TYW1B: variants seen among roughly 807,000 people sequenced by gnomAD.
The protein encoded by TYW1B is S-adenosyl-L-methionine-dependent tRNA 4-demethylwyosine synthase TYW1B.
A neutral mutation model predicts 86.9 loss-of-function variants in TYW1B; 73 were observed. The ratio of observed to expected loss-of-function variants is 0.84; its 90% CI spans 0.70 to 1.02. The LOEUF (loss-of-function observed/expected upper bound fraction) is 1.02. Ranked by LOEUF, TYW1B falls within the 50% of genes least tolerant of loss-of-function variation. TYW1B has a pLI of 0.00. For synonymous variants in TYW1B, 248 were observed against 292.8 expected, an observed-to-expected ratio of 0.85 and a Z score of 1.56; for missense variants, 637 against 827.4, an observed-to-expected ratio of 0.77 and a Z score of 2.82.
intron 3 of TYW1B, among the ~76,000 whole-genome samples, chr7:72,814,902 CAAA>C (rs35390409): frequency 5.6e-5 from 7 of 125,788 alleles, no homozygotes; most frequent in African/African-American, 8.7e-5. Context: ...TCAACTCTAG[CAAA>C]AAAAAAAAAA....
chr7:72,734,734 T>C lies in TYW1B; in HGVS notation c.1083-5803A>G, dbSNP rs183905281. Among the ~76,000 whole-genome samples, 165 of 152,236 alleles carry C rather than the reference T, an allele frequency of 1.1e-3. 1 individual carries two copies. The highest frequency in any genetic ancestry group is 2.9e-3 in the African/African-American group (120 of 41,524). The stretch of plus-strand genomic sequence containing the variant: ...AAACAAGGGATTAATATCCAGAATA[T>C]ACAAAAAATTCAAACAACCCAACAG... On this transcript the variant is annotated intron_variant, in intron 8 of 13. Transcript: ENST00000620995.
chr7:72,823,988 T>C (rs1554481013), intron 2 of TYW1B, among the ~76,000 whole-genome samples: 1 of 152,106 alleles, frequency 6.6e-6, no homozygotes, highest in East Asian at 1.9e-4. Flanking sequence ...AAAACATGCA[T>C]AAAGAGGCTC....
intron 9 of TYW1B, among the ~76,000 whole-genome samples, chr7:72,714,300 G>T (rs1443781275): frequency 2.0e-5 from 3 of 151,928 alleles, no homozygotes; most frequent in Admixed American, 2.0e-4. Context: ...CTTCATACTG[G>T]AATCACCTGA....
At position 72,575,637 on chromosome 7, in the gene TYW1B, CCACCA is replaced by C. The variant is rs782317378; in HGVS notation, c.1863_1867del (p.Ser621ArgfsTer24). 1 of 1,613,714 alleles carries C rather than the reference CCACCA, an allele frequency of 6.2e-7. No homozygotes were observed. The highest frequency in any genetic ancestry group is 2.2e-5 in the East Asian group (1 of 44,862). ...ATCCTTTGCGCTGAACGTTTTTGAT[CCACCA>C]CTATCTTCATATTCCTGGATGAGCT... On this transcript the variant is annotated frameshift_variant, in exon 14 of 14. Transcript: ENST00000620995. LOFTEE classifies it high-confidence loss of function.
chr7:72,663,947 T>C (rs1337305438), intron 11 of TYW1B, among the ~76,000 whole-genome samples: 2 of 151,868 alleles, frequency 1.3e-5, no homozygotes, highest in African/African-American at 2.4e-5. Flanking sequence ...GTGAAACCAT[T>C]ATTCTAGATA....
chr7:72,813,464 C>T (rs1299454166), intron 3 of TYW1B, among the ~76,000 whole-genome samples: 6 of 152,208 alleles, frequency 3.9e-5, no homozygotes, highest in African/African-American at 1.4e-4. Context: ...GCGTGGGCCA[C>T]CACGCCCAGC....
intron 9 of TYW1B, among the ~76,000 whole-genome samples, chr7:72,717,016 T>C (rs1457779786): frequency 6.6e-6 from 1 of 151,686 alleles, no homozygotes; most frequent in Admixed American, 6.6e-5. Flanking sequence ...AAGCATGCAG[T>C]TTGGCTGGGC....
chr7:72,606,912 CTAACA>C (rs768285605), intron 13 of TYW1B, among the ~76,000 whole-genome samples: 19 of 152,170 alleles, frequency 1.2e-4, no homozygotes, highest in Non-Finnish European at 1.6e-4. Context: ...CCAGAGTCTC[CTAACA>C]TAACACCTAA....
At chr7:72,620,525 G>A (rs1228374823) in intron 12 of TYW1B, among the ~76,000 whole-genome samples, 4 of 152,156 alleles carry the variant, frequency 2.6e-5, no homozygotes, top group African/African-American at 7.2e-5. Context: ...GGCAGAAAAT[G>A]TTCTTGGTGA....
At chr7:72,595,149 TAAG>T (rs1183062213) in intron 13 of TYW1B, among the ~76,000 whole-genome samples, 3 of 152,178 alleles carry the variant, frequency 2.0e-5, no homozygotes, top group Non-Finnish European at 4.4e-5. Flanking sequence ...AGCAATTAGG[TAAG>T]AAGAAGAAAT....
intron 7 of TYW1B, among the ~76,000 whole-genome samples, chr7:72,750,067 T>C (rs782779349): frequency 5.9e-5 from 9 of 151,606 alleles, no homozygotes; most frequent in Non-Finnish European, 1.2e-4. Context: ...GGGGTGGGTA[T>C]GTGTATAATT....
chr7:72,589,857 C>A (rs35511713), intron 13 of TYW1B, among the ~76,000 whole-genome samples: 23,429 of 152,034 alleles, frequency 0.15, 2,469 homozygotes, highest in East Asian at 0.56. Flanking sequence ...GCCTGGGCAA[C>A]CAGAGCGAAA....
At chr7:72,709,221 C>T (rs1459349973) in intron 10 of TYW1B, among the ~76,000 whole-genome samples, 1 of 152,110 alleles carries the variant, frequency 6.6e-6, no homozygotes, top group Non-Finnish European at 1.5e-5. Context: ...AAAGACGTGC[C>T]CACTTTTTGA....
chr7:72,827,783 T>A (rs1262263562), intron 1 of TYW1B, among the ~76,000 whole-genome samples: 1 of 152,134 alleles, frequency 6.6e-6, no homozygotes, highest in African/African-American at 2.4e-5. Flanking sequence ...TGGCAGCAAT[T>A]TCAAAAGTCG....
At chr7:72,703,313 C>T (rs1362534097) in intron 10 of TYW1B, among the ~76,000 whole-genome samples, 7 of 151,610 alleles carry the variant, frequency 4.6e-5, no homozygotes, top group South Asian at 2.1e-4. Flanking sequence ...CGTGAGCCAC[C>T]GCACCCAGCT....
intron 11 of TYW1B, among the ~76,000 whole-genome samples, chr7:72,633,688 G>C (rs1426566141): frequency 6.6e-6 from 1 of 151,872 alleles, no homozygotes; most frequent in South Asian, 2.1e-4. Flanking sequence ...TTTGTGTTTG[G>C]TGTCTATCAC....
intron 10 of TYW1B, among the ~76,000 whole-genome samples, chr7:72,699,209 A>C (rs1220667364): frequency 6.6e-6 from 1 of 152,210 alleles, no homozygotes; most frequent in Non-Finnish European, 1.5e-5. Context: ...GAAGAGAATG[A>C]GATCATTTCC....
chr7:72,596,988 GA>G (rs1263623067), intron 13 of TYW1B, among the ~76,000 whole-genome samples: 3 of 149,136 alleles, frequency 2.0e-5, no homozygotes, highest in Non-Finnish European at 3.0e-5. Flanking sequence ...AATAAGCACA[GA>G]AAAAAAGTGC....
chr7:72,816,483 G>A (rs1233266221), intron 2 of TYW1B, among the ~76,000 whole-genome samples: 1 of 152,190 alleles, frequency 6.6e-6, no homozygotes, highest in Non-Finnish European at 1.5e-5. Flanking sequence ...AGTTCACAGG[G>A]CTGTCAGAAC....
Sources: allele counts gnomAD v4.1 joint callset (sites outside exome capture counted in the v4.1 genomes callset), GRCh38; gene constraint gnomAD v4.1.1; transcripts MANE v1.5; gene names NCBI Gene and HGNC (gene_info 2026-07-23, HGNC 2026-07-21).